NEGR1: variants seen among roughly 807,000 people sequenced by gnomAD.
The protein encoded by NEGR1 is neuronal growth regulator 1, also known as IgLON family member 4.
NEGR1 carries 10 observed loss-of-function variants against 40.9 expected under a neutral mutation model. The observed-to-expected ratio is 0.24, with a 90% CI of 0.15 to 0.42. The LOEUF (loss-of-function observed/expected upper bound fraction) is 0.42, where lower values mean the gene tolerates loss of function less well. Ranked by LOEUF, NEGR1 falls within the 10% of genes least tolerant of loss-of-function variation. The pLI is 1.00. For synonymous variants in NEGR1, 185 were observed against 166.8 expected (o/e 1.11, Z -0.84); for missense variants, 352 against 438.9 (o/e 0.80, Z 1.77).
intron 1 of NEGR1, among the ~76,000 whole-genome samples, chr1:71,973,893 C>T (rs976675624): frequency 3.3e-5 from 5 of 152,108 alleles, no homozygotes; most frequent in African/African-American, 1.2e-4. Flanking sequence ...ATTTATTTCT[C>T]TTGTTCTTTT....
chr1:72,213,236 G>T (rs760606300), intron 1 of NEGR1, among the ~76,000 whole-genome samples: 1 of 151,862 alleles, frequency 6.6e-6, no homozygotes, highest in African/African-American at 2.4e-5. Context: ...GGTGTAATCC[G>T]CAGATACGAA....
At chr1:71,849,072 G>C (rs1659517498) in intron 2 of NEGR1, among the ~76,000 whole-genome samples, 1 of 150,966 alleles carries the variant, frequency 6.6e-6, no homozygotes, top group South Asian at 2.1e-4. Flanking sequence ...GTGGGTGACA[G>C]AGCAAGACTC....
chr1:71,776,414 C>A (rs949242372), intron 2 of NEGR1, 117 bp from the exon 3 acceptor site: 20 of 460,152 alleles, frequency 4.3e-5, no homozygotes, highest in Non-Finnish European at 6.9e-5. Context: ...GTATATATGG[C>A]CTATGGGCCT....
At chr1:71,922,469 C>G (rs1356397033) in intron 2 of NEGR1, among the ~76,000 whole-genome samples, 2 of 152,062 alleles carry the variant, frequency 1.3e-5, no homozygotes, top group Non-Finnish European at 2.9e-5. Context: ...TAGAAGTTTT[C>G]AAAAAATATA....
At chr1:71,423,629 C>T (rs1162159766) in intron 6 of NEGR1, among the ~76,000 whole-genome samples, 3 of 152,112 alleles carry the variant, frequency 2.0e-5, no homozygotes, top group African/African-American at 7.2e-5. Flanking sequence ...GTCTCTTCTA[C>T]TTGCCATAGA....
At chr1:71,671,024 A>G (rs921573864) in intron 4 of NEGR1, among the ~76,000 whole-genome samples, 1 of 152,198 alleles carries the variant, frequency 6.6e-6, no homozygotes. Context: ...ACTGTTGGAC[A>G]CTGAACTCAA....
chr1:72,232,207 A>AG (rs1284832372), intron 1 of NEGR1, among the ~76,000 whole-genome samples: 1 of 151,976 alleles, frequency 6.6e-6, no homozygotes, highest in African/African-American at 2.4e-5. Flanking sequence ...TACAAAAAAA[A>AG]TTATCTGGGC....
At chr1:72,136,140 G>C (rs1035118439) in intron 1 of NEGR1, among the ~76,000 whole-genome samples, 14 of 151,970 alleles carry the variant, frequency 9.2e-5, no homozygotes, top group African/African-American at 3.4e-4. Context: ...AGAAAAAAAA[G>C]CAATAAAAAC....
At chr1:72,209,441 C>T (rs1318260919) in intron 1 of NEGR1, among the ~76,000 whole-genome samples, 1 of 151,642 alleles carries the variant, frequency 6.6e-6, no homozygotes, top group African/African-American at 2.4e-5. Flanking sequence ...CCTTCCAATA[C>T]ATTTCTTGGA....
intron 1 of NEGR1, among the ~76,000 whole-genome samples, chr1:72,229,530 C>T (rs1172528558): frequency 6.7e-6 from 1 of 149,514 alleles, no homozygotes; most frequent in Non-Finnish European, 1.5e-5. Context: ...GCAAAAACAG[C>T]ATTCAAGTCT....
chr1:71,877,891 G>T lies in NEGR1; in HGVS notation c.409+57188C>A, dbSNP rs530137072. 1.0e-3 allele frequency among the ~76,000 whole-genome samples: 154 copies of T among 152,170 alleles called. 1 individual carries two copies. The highest frequency in any genetic ancestry group is 3.4e-3 in the African/African-American group (140 of 41,538). Reference sequence around the variant, plus strand: ...CTTAGTCCTTGATGGAGGTGATCTTGTAAATTTTATATTATAATTTAAGGA... The same window carrying T: ...CTTAGTCCTTGATGGAGGTGATCTTTTAAATTTTATATTATAATTTAAGGA... On this transcript the variant is annotated intron_variant, in intron 2 of 6. Coordinates refer to ENST00000357731, the MANE Select transcript of NEGR1 (RefSeq NM_173808.3).
At chr1:72,190,602 C>T (rs542662136) in intron 1 of NEGR1, among the ~76,000 whole-genome samples, 4 of 151,520 alleles carry the variant, frequency 2.6e-5, no homozygotes, top group Non-Finnish European at 5.9e-5. Context: ...AAATGGTATT[C>T]CTAAACATAT....
chr1:71,650,848 A>C (rs892963174), intron 4 of NEGR1, among the ~76,000 whole-genome samples: 2 of 152,170 alleles, frequency 1.3e-5, no homozygotes, highest in African/African-American at 4.8e-5. Flanking sequence ...AATGACTTTG[A>C]GGCATCAGCT....
In NEGR1 at chr1:71,744,284, C is replaced by CATATATAT. The variant is rs147978120; in HGVS notation, c.535+31880_535+31887dup. 8.1e-3 allele frequency among the ~76,000 whole-genome samples: 1,106 copies of CATATATAT among 137,064 alleles called. 15 individuals carry two copies. The highest frequency in any genetic ancestry group is 0.04 in the South Asian group (173 of 4,334). 89.9% of individuals were successfully genotyped at this position (137,064 alleles called of 152,430 possible). A position where few individuals can be genotyped will look rare whatever the true frequency, so the allele number is the denominator to read the frequency against. ...ATAATAATATGTTTATGACAAATAA[C>CATATATAT]ATATATATATATATATATAAAGTGC... On this transcript the variant is annotated intron_variant, in intron 3 of 6. Coordinates refer to ENST00000357731, the MANE Select transcript of NEGR1 (RefSeq NM_173808.3).
chr1:71,823,422 G>A (rs1658505565), intron 2 of NEGR1, among the ~76,000 whole-genome samples: 1 of 151,796 alleles, frequency 6.6e-6, no homozygotes, highest in African/African-American at 2.4e-5. Flanking sequence ...ACTGTGATAG[G>A]GAATTGAAGT....
chr1:71,861,872 G>GA (rs1450150749), intron 2 of NEGR1, among the ~76,000 whole-genome samples: 2 of 151,786 alleles, frequency 1.3e-5, no homozygotes, highest in African/African-American at 2.4e-5. Flanking sequence ...TGTAAGAAAA[G>GA]AAAAACCATG....
At chr1:72,107,680 T>C (rs1486093) in intron 1 of NEGR1, among the ~76,000 whole-genome samples, 62,711 of 150,996 alleles carry the variant, frequency 0.42, 14,228 homozygotes, top group South Asian at 0.55. Flanking sequence ...GAATCTTATA[T>C]ATATTAGAAA....
At chr1:72,094,092 A>C (rs1648604867) in intron 1 of NEGR1, among the ~76,000 whole-genome samples, 1 of 152,176 alleles carries the variant, frequency 6.6e-6, no homozygotes. Flanking sequence ...AAAAGATCAG[A>C]CATGGCCTTA....
chr1:71,885,581 C>T (rs754742128), intron 2 of NEGR1, among the ~76,000 whole-genome samples: 18 of 152,000 alleles, frequency 1.2e-4, no homozygotes, highest in Non-Finnish European at 2.5e-4. Flanking sequence ...TTAAAAAACA[C>T]GAAGTGTATA....
Sources: gnomAD v4.1 joint callset for allele counts (sites outside exome capture counted in the v4.1 genomes callset) on GRCh38, gnomAD v4.1.1 for gene constraint, MANE v1.5 for transcripts, NCBI Gene and HGNC (gene_info 2026-07-23, HGNC 2026-07-21) for gene names.